LRRC7: variants seen among roughly 807,000 people sequenced by gnomAD.
LRRC7 encodes the protein leucine-rich repeat-containing protein 7.
A neutral mutation model predicts 175.7 loss-of-function variants in LRRC7; 23 were observed. The ratio of observed to expected loss-of-function variants is 0.13; its 90% CI spans 0.09 to 0.19. The LOEUF (loss-of-function observed/expected upper bound fraction) is 0.19. Ranked by LOEUF, LRRC7 falls within the 10% of genes least tolerant of loss-of-function variation. The pLI is 1.00. For synonymous variants in LRRC7, 685 were observed against 680.9 expected (o/e 1.01, Z -0.09); for missense variants, 1,354 against 1,904.7 (o/e 0.71, Z 5.38).
chr1:69,931,462 T>C (rs1262865511), intron 7 of LRRC7, 45 bp from the exon 8 acceptor site: 1 of 1,484,784 alleles, frequency 6.7e-7, no homozygotes, highest in Non-Finnish European at 9.4e-7. Flanking sequence ...TAGAGCAATG[T>C]ATCATGCACT....
In LRRC7 at chr1:69,879,212, T is replaced by TAAAAAAAA. The variant is rs201332183; in HGVS notation, c.647+40946_647+40953dup. Reference sequence around the variant, plus strand: ...TTTTGCTGTAAACCTAAAACTGCTTTAAAAAAAAAAAAAAAAAAAAAAAAG... The same window carrying TAAAAAAAA: ...TTTTGCTGTAAACCTAAAACTGCTTTAAAAAAAAAAAAAAAAAAAAAAAAAAAAAAAAG... On this transcript the variant is annotated intron_variant, in intron 7 of 26. Transcript: ENST00000651989. Among the ~76,000 whole-genome samples, 270 of 91,912 alleles carry TAAAAAAAA rather than the reference T, an allele frequency of 2.9e-3. 18 individuals are homozygous for TAAAAAAAA. Among genetic ancestry groups the TAAAAAAAA allele is most frequent in the African/African-American group, 0.014 (261 of 19,136 alleles). The allele number at this position is 91,912 out of a possible 152,430, so 60.3% of individuals were successfully genotyped here.
rs969868051 is a variant in LRRC7 at position 69,947,529 on chromosome 1, A to G, written c.711+15959A>G. ...AACTTAACTTCAATCATATACAAAA[A>G]CTCTACACTTTTACATTTCCCCAAG... On this transcript the variant is annotated intron_variant, in intron 8 of 26. Coordinates refer to ENST00000651989, the MANE Select transcript of LRRC7 (RefSeq NM_001370785.2). 6.4e-4 allele frequency among the ~76,000 whole-genome samples: 98 copies of G among 151,966 alleles called. 1 individual carries two copies. Among genetic ancestry groups the G allele is most frequent in the African/African-American group, 2.1e-3 (87 of 41,468 alleles).
chr1:69,852,142 G>A (rs1683059501), intron 7 of LRRC7, among the ~76,000 whole-genome samples: 2 of 151,376 alleles, frequency 1.3e-5, no homozygotes, highest in Admixed American at 6.6e-5. Flanking sequence ...TTGTTACATT[G>A]CCTTTTGCAC....
intron 23 of LRRC7, among the ~76,000 whole-genome samples, chr1:70,062,130 T>C (rs1331869134): frequency 3.3e-5 from 5 of 152,132 alleles, no homozygotes; most frequent in Admixed American, 3.3e-4. Context: ...GATATATTAG[T>C]GATATATTAA....
intron 3 of LRRC7, among the ~76,000 whole-genome samples, chr1:69,775,787 T>G (rs12739458): frequency 0.087 from 13,231 of 152,208 alleles, 890 homozygotes; most frequent in African/African-American, 0.18. Context: ...TTGTGAAGAT[T>G]AAAAATCATA....
intron 25 of LRRC7, among the ~76,000 whole-genome samples, chr1:70,103,397 C>A (rs958655923): frequency 6.6e-6 from 1 of 152,122 alleles, no homozygotes; most frequent in Non-Finnish European, 1.5e-5. Flanking sequence ...AATGGAGAAT[C>A]TTTCCTAGCT....
At chr1:70,033,539 A>G (rs1361750897) in intron 18 of LRRC7, among the ~76,000 whole-genome samples, 1 of 152,152 alleles carries the variant, frequency 6.6e-6, no homozygotes, top group Non-Finnish European at 1.5e-5. Flanking sequence ...TGTTTCAATA[A>G]TGTCCTTCTA....
At chr1:69,919,452 C>G in intron 7 of LRRC7, 1 of 978,998 alleles carries the variant, frequency 1.0e-6, no homozygotes, top group African/African-American at 1.6e-5. Context: ...CTAACCCCAG[C>G]CAGTGGGAGC....
At chr1:69,764,668 G>T (rs1032426356) in intron 3 of LRRC7, among the ~76,000 whole-genome samples, 2 of 151,672 alleles carry the variant, frequency 1.3e-5, no homozygotes. Context: ...TAAAACTCGG[G>T]AAGTAACAAC....
chr1:69,934,578 T>A (rs889656055), intron 8 of LRRC7, among the ~76,000 whole-genome samples: 1 of 151,582 alleles, frequency 6.6e-6, no homozygotes, highest in African/African-American at 2.4e-5. Flanking sequence ...TGTTCATTTT[T>A]AAAAAAATAG....
At chr1:70,094,448 A>G (rs1664249385) in intron 25 of LRRC7, among the ~76,000 whole-genome samples, 2 of 152,172 alleles carry the variant, frequency 1.3e-5, no homozygotes, top group Admixed American at 1.3e-4. Flanking sequence ...AGCCATCGAA[A>G]GAATATTAGG....
Position 69,724,068 on chromosome 1 carries a change from T to C in LRRC7, c.101-36123T>C, listed in dbSNP as rs552003984. Among the ~76,000 whole-genome samples, 6 of 152,304 alleles carry C rather than the reference T, an allele frequency of 3.9e-5. No homozygotes were observed. In the East Asian group the frequency reaches 1.2e-3, roughly 29 times the overall value. ...AACCACATGTTCTGGAGTTGAATTG[T>C]CTAGTTTAAAATCTAGCACTATCTT... is the stretch of plus-strand genomic sequence containing the variant. On this transcript the variant is annotated intron_variant, in intron 2 of 26. Coordinates refer to ENST00000651989, the MANE Select transcript of LRRC7 (RefSeq NM_001370785.2).
At chr1:69,723,538 G>T (rs760404239) in intron 2 of LRRC7, among the ~76,000 whole-genome samples, 1 of 152,114 alleles carries the variant, frequency 6.6e-6, no homozygotes, top group African/African-American at 2.4e-5. Flanking sequence ...TTATTAATAA[G>T]AGAATTTGGA....
intron 1 of LRRC7, among the ~76,000 whole-genome samples, chr1:69,603,845 C>T (rs1321057469): frequency 6.6e-6 from 1 of 152,050 alleles, no homozygotes; most frequent in Non-Finnish European, 1.5e-5. Context: ...TTAGGAAGCA[C>T]AATAACCACT....
intron 3 of LRRC7, among the ~76,000 whole-genome samples, chr1:69,772,099 C>T (rs1182445133): frequency 6.6e-6 from 1 of 151,442 alleles, no homozygotes; most frequent in Non-Finnish European, 1.5e-5. Context: ...CCAGCCTGGG[C>T]AACAAGAGTG....
intron 1 of LRRC7, among the ~76,000 whole-genome samples, chr1:69,613,960 T>C (rs76004410): frequency 6.6e-6 from 1 of 151,892 alleles, no homozygotes; most frequent in South Asian, 2.1e-4. Flanking sequence ...TGGAAAACAA[T>C]AAGGAATAAT....
At chr1:69,616,994 C>T (rs998244241) in intron 1 of LRRC7, among the ~76,000 whole-genome samples, 3 of 152,056 alleles carry the variant, frequency 2.0e-5, no homozygotes, top group Admixed American at 6.6e-5. Context: ...TGTCAGAAGT[C>T]AAGGTTATTC....
chr1:69,573,621 C>A (rs1048327073), intron 1 of LRRC7, among the ~76,000 whole-genome samples: 6 of 151,904 alleles, frequency 3.9e-5, no homozygotes, highest in Non-Finnish European at 8.8e-5. Context: ...AATTAAGCCC[C>A]TGGGGAGGCA....
At chr1:69,646,758 T>C (rs1158916176) in intron 1 of LRRC7, among the ~76,000 whole-genome samples, 2 of 152,202 alleles carry the variant, frequency 1.3e-5, no homozygotes, top group Non-Finnish European at 2.9e-5. Context: ...GCCGAACCTC[T>C]ATAGTAGTGC....
Sources: gnomAD v4.1 joint callset for allele counts (sites outside exome capture counted in the v4.1 genomes callset) on GRCh38, gnomAD v4.1.1 for gene constraint, MANE v1.5 for transcripts, NCBI Gene and HGNC (gene_info 2026-07-23, HGNC 2026-07-21) for gene names.